Variants in TPO observed in about 807,000 individuals in gnomAD.
TPO encodes thyroid peroxidase, also known as thyroid microsomal antigen.
A neutral mutation model predicts 96.9 loss-of-function variants in TPO; 78 were observed. The ratio of observed to expected loss-of-function variants is 0.81; its 90% CI spans 0.67 to 0.97. The LOEUF (loss-of-function observed/expected upper bound fraction) is 0.97. Among genes scored for constraint, TPO ranks in the 50% least tolerant of loss-of-function variants. The pLI, the probability that TPO is intolerant of heterozygous loss-of-function variation, is 0.00. For missense variants in TPO, 1,252 were observed against 1,274.8 expected (o/e 0.98, Z 0.27); for synonymous variants, 547 against 538.0 (o/e 1.02, Z -0.23).
At chr2:1,475,999 C>T (rs1485212296) in intron 7 of TPO, among the ~76,000 whole-genome samples, 1 of 152,222 alleles carries the variant, frequency 6.6e-6, no homozygotes, top group Non-Finnish European at 1.5e-5. Flanking sequence ...CTCGGCCTGT[C>T]TCCCTGCACC....
intron 11 of TPO, 117 bp from the exon 12 acceptor site, chr2:1,495,872 C>A: frequency 8.3e-7 from 1 of 1,200,306 alleles, no homozygotes; most frequent in African/African-American, 1.5e-5. Context: ...TGCTGGGGGT[C>A]TGGGCAGACG....
Position 1,398,417 on chromosome 2 carries a change from C to G in TPO, n.180+24015C>G, listed in dbSNP as rs569254461. Among the ~76,000 whole-genome samples, 311 of 152,336 alleles carry G rather than the reference C, an allele frequency of 2.0e-3. 3 individuals carry two copies. Among genetic ancestry groups the G allele is most frequent in the Non-Finnish European group, 2.8e-3 (191 of 68,028 alleles). Reference sequence around the variant, plus strand: ...CATCTCCCCAGACACCCACACCCCACGCCTGCCTGGCTTCCCACTGCAAAC... The same window carrying G: ...CATCTCCCCAGACACCCACACCCCAGGCCTGCCTGGCTTCCCACTGCAAAC... On this transcript the variant is annotated intron_variant and non_coding_transcript_variant, in intron 1 of 5. Coordinates refer to the TPO transcript ENST00000497517.
intron 5 of TPO, among the ~76,000 whole-genome samples, chr2:1,436,594 A>G (rs1333161682): frequency 4.6e-5 from 7 of 152,140 alleles, no homozygotes; most frequent in Non-Finnish European, 1.0e-4. Context: ...CCCAGCCACA[A>G]CGTCCCATCC....
intron 1 of TPO, among the ~76,000 whole-genome samples, chr2:1,388,935 G>C (rs1408720909): frequency 1.3e-5 from 2 of 152,146 alleles, no homozygotes; most frequent in African/African-American, 4.8e-5. Flanking sequence ...AAATTTTAGG[G>C]TACACTTTTG....
chr2:1,401,122 C>T (rs754206827), intron 1 of TPO, among the ~76,000 whole-genome samples: 11 of 152,218 alleles, frequency 7.2e-5, no homozygotes, highest in Non-Finnish European at 1.5e-4. Context: ...TTAGCAGAGC[C>T]TCCCATATCT....
chr2:1,425,808 A>T (rs1440585897), intron 3 of TPO, among the ~76,000 whole-genome samples: 1 of 148,198 alleles, frequency 6.7e-6, no homozygotes. Context: ...TCAGAAGTCT[A>T]TGCTCCTTCT....
chr2:1,401,083 C>CAGG (rs144347058), intron 1 of TPO, among the ~76,000 whole-genome samples: 3,852 of 152,276 alleles, frequency 0.025, 181 homozygotes, highest in African/African-American at 0.088. Context: ...GCTTCACCTC[C>CAGG]AGTCCCCTCC....
intron 1 of TPO, among the ~76,000 whole-genome samples, chr2:1,387,863 G>C (rs1398394459): frequency 1.3e-5 from 2 of 152,154 alleles, no homozygotes; most frequent in South Asian, 2.1e-4. Context: ...GGTCTTTGAT[G>C]ATGGTGACAT....
chr2:1,389,072 T>G (rs1661951967), intron 1 of TPO, among the ~76,000 whole-genome samples: 1 of 152,138 alleles, frequency 6.6e-6, no homozygotes, highest in Admixed American at 6.5e-5. Context: ...GCCAAATCTC[T>G]GGGGGAAAAA....
At chr2:1,436,103 A>G (rs1665542136) in intron 4 of TPO, 149 bp from the exon 5 acceptor site, 3 of 1,159,148 alleles carry the variant, frequency 2.6e-6, no homozygotes, top group Non-Finnish European at 3.8e-6. Flanking sequence ...ATGTAAAGGG[A>G]GAAGGCAGAT....
In TPO at chr2:1,480,559, TACACACACACACACAC is replaced by T. The variant is rs3036105; in HGVS notation, c.1338+2986_1338+3001del. Among the ~76,000 whole-genome samples, 127 of 44,360 alleles carry T rather than the reference TACACACACACACACAC, an allele frequency of 2.9e-3. 1 individual carries two copies. The highest frequency in any genetic ancestry group is 9.6e-3 in the African/African-American group (101 of 10,498). 29.1% of individuals were successfully genotyped at this position (44,360 alleles called of 152,430 possible). A position where few individuals can be genotyped will look rare whatever the true frequency, so the allele number is the denominator to read the frequency against. On this transcript the variant is annotated intron_variant, in intron 8 of 16. Coordinates refer to ENST00000329066, the MANE Select transcript of TPO (RefSeq NM_001206744.2). Reference sequence around the variant, plus strand: ...CCCCTCTATCACCCCTCAAACCCCCTACACACACACACACACACACACACACACACACACACACACA... The same window carrying T: ...CCCCTCTATCACCCCTCAAACCCCCTACACACACACACACACACACACACA...
chr2:1,414,527 T>A, intron 2 of TPO, 25 bp downstream of exon 2: 1 of 1,607,518 alleles, frequency 6.2e-7, no homozygotes, highest in Non-Finnish European at 8.5e-7. Context: ...CATTGCGGTC[T>A]TCTGGCCTTA....
At chr2:1,416,406 A>G (rs375580123) in intron 2 of TPO, among the ~76,000 whole-genome samples, 7 of 152,384 alleles carry the variant, frequency 4.6e-5, no homozygotes, top group African/African-American at 1.7e-4. Flanking sequence ...GTTGTGATAC[A>G]TGAGAGCTAT....
chr2:1,457,939 AAGAT>A (rs1668004316), intron 7 of TPO, among the ~76,000 whole-genome samples: 1 of 151,062 alleles, frequency 6.6e-6, no homozygotes, highest in African/African-American at 2.4e-5. Flanking sequence ...TATGGCACAT[AAGAT>A]AGTGTGTGGG....
chr2:1,441,833 A>T (rs1160972564), intron 5 of TPO, among the ~76,000 whole-genome samples: 2 of 152,286 alleles, frequency 1.3e-5, no homozygotes, highest in Non-Finnish European at 2.9e-5. Context: ...ATCAGCCTAG[A>T]GATAAGACAA....
intron 7 of TPO, among the ~76,000 whole-genome samples, chr2:1,467,516 G>A (rs560296364): frequency 6.6e-6 from 1 of 152,266 alleles, no homozygotes; most frequent in African/African-American, 2.4e-5. Context: ...TTTTGGAGTT[G>A]ATTTCCAGTT....
intron 5 of TPO, among the ~76,000 whole-genome samples, chr2:1,451,220 C>G (rs954833083): frequency 6.6e-6 from 1 of 152,156 alleles, no homozygotes; most frequent in Non-Finnish European, 1.5e-5. Flanking sequence ...CAGTCTACCT[C>G]AAGGACAAAA....
chr2:1,495,859 G>C (rs556351499), intron 11 of TPO, 130 bp from the exon 12 acceptor site: 5 of 1,030,312 alleles, frequency 4.9e-6, no homozygotes, highest in African/African-American at 3.1e-5. Context: ...GTGTGGCCCC[G>C]GGTGCTGGGG....
At chr2:1,488,188 G>A (rs1315751985) in intron 10 of TPO, among the ~76,000 whole-genome samples, 197 bp downstream of exon 10, 2 of 152,162 alleles carry the variant, frequency 1.3e-5, no homozygotes, top group East Asian at 1.9e-4. Flanking sequence ...GAAATGGCAC[G>A]AAGAGGGTGG....
Sources: allele counts gnomAD v4.1 joint callset (sites outside exome capture counted in the v4.1 genomes callset), GRCh38; gene constraint gnomAD v4.1.1; transcripts MANE v1.5; gene names NCBI Gene and HGNC (gene_info 2026-07-23, HGNC 2026-07-21).